The following KCNT2 variants were observed in gnomAD, a reference collection of about 807,000 sequenced individuals.
The protein encoded by KCNT2 is potassium channel subfamily T member 2.
A neutral mutation model predicts 153.8 loss-of-function variants in KCNT2; 67 were observed. The observed-to-expected ratio is 0.44, with a 90% CI of 0.36 to 0.53. The LOEUF is 0.53. KCNT2 is among the 20% of genes least tolerant of loss of function. KCNT2 has a pLI of 0.00. For synonymous variants in KCNT2, 500 were observed against 458.8 expected (o/e 1.09, Z -1.15); for missense variants, 975 against 1,354.8 (o/e 0.72, Z 4.40).
At chr1:196,338,133 A>G (rs182086402) in intron 16 of KCNT2, among the ~76,000 whole-genome samples, 23 of 152,272 alleles carry the variant, frequency 1.5e-4, no homozygotes, top group Non-Finnish European at 2.5e-4. Context: ...AGGTAAAACC[A>G]TGGAATAGTG....
intron 1 of KCNT2, among the ~76,000 whole-genome samples, chr1:196,562,092 C>A (rs1659488531): frequency 3.3e-5 from 5 of 151,876 alleles, no homozygotes; most frequent in Non-Finnish European, 7.4e-5. Flanking sequence ...TTAGTTAATT[C>A]TCTCCTGGAT....
chr1:196,431,513 T>G (rs1674146950), intron 8 of KCNT2, among the ~76,000 whole-genome samples: 1 of 152,120 alleles, frequency 6.6e-6, no homozygotes, highest in Admixed American at 6.6e-5. Flanking sequence ...GCCTTTCTGA[T>G]GAGTTCTTAG....
At chr1:196,456,928 T>C (rs1299384601) in intron 8 of KCNT2, among the ~76,000 whole-genome samples, 1 of 152,012 alleles carries the variant, frequency 6.6e-6, no homozygotes, top group Non-Finnish European at 1.5e-5. Flanking sequence ...TGGATGTTAA[T>C]GCATAAAGGT....
At chr1:196,525,828 A>G (rs1654111312) in intron 1 of KCNT2, among the ~76,000 whole-genome samples, 1 of 151,990 alleles carries the variant, frequency 6.6e-6, no homozygotes, top group Admixed American at 6.5e-5. Context: ...TACATATTTA[A>G]TTATGTAATA....
intron 5 of KCNT2, among the ~76,000 whole-genome samples, chr1:196,477,775 T>G (rs929159063): frequency 1.4e-4 from 21 of 152,204 alleles, no homozygotes; most frequent in African/African-American, 5.1e-4. Flanking sequence ...TGTTCTATTA[T>G]TCCTCCAAAA....
chr1:196,601,221 G>A (rs945825282), intron 1 of KCNT2, among the ~76,000 whole-genome samples: 6 of 152,058 alleles, frequency 3.9e-5, no homozygotes, highest in East Asian at 1.9e-4. Context: ...CTTACACCTC[G>A]ATCTCAACAC....
chr1:196,316,833 T>C lies in KCNT2; in HGVS notation c.2349-807A>G, dbSNP rs1662775482. Reference sequence around the variant, plus strand: ...TGAAACAGGGAAACATTATTCTCATTGCCTCTGCTTCATGCAAACTAGAAA... The same window carrying C: ...TGAAACAGGGAAACATTATTCTCATCGCCTCTGCTTCATGCAAACTAGAAA... On this transcript the variant is annotated intron_variant, in intron 20 of 27. Coordinates refer to ENST00000294725, the MANE Select transcript of KCNT2 (RefSeq NM_198503.5). Among the ~76,000 whole-genome samples the C allele has an allele frequency of 2.0e-5, 3 of 151,770 alleles. No homozygotes were observed. In the Admixed American group the frequency reaches 2.0e-4, roughly 10 times the overall value.
At position 196,484,399 on chromosome 1, in the gene KCNT2, T is replaced by G. The variant is rs570533660; in HGVS notation, c.276-2020A>C. ...TTTTTTTCATGTAAATTTGTTTTAG[T>G]TCCTTGTAAATTATGGATATTAGAC... On this transcript the variant is annotated intron_variant, in intron 3 of 27. Coordinates refer to ENST00000294725, the MANE Select transcript of KCNT2 (RefSeq NM_198503.5). Among the ~76,000 whole-genome samples the G allele has an allele frequency of 4.6e-5, 7 of 152,232 alleles. No individual in the cohort carries two copies. The South Asian group carries it at 1.5e-3, about 32-fold the overall frequency.
At chr1:196,482,199 C>T in intron 4 of KCNT2, 132 bp downstream of exon 4, 3 of 633,400 alleles carry the variant, frequency 4.7e-6, no homozygotes. Context: ...AAATGTTAGT[C>T]CAAGATGTGC....
intron 1 of KCNT2, among the ~76,000 whole-genome samples, chr1:196,573,822 T>A (rs1232545609): frequency 6.6e-6 from 1 of 151,840 alleles, no homozygotes; most frequent in African/African-American, 2.4e-5. Context: ...TGGCAGTTAT[T>A]TTATGTTTTT....
intron 24 of KCNT2, 26 bp downstream of exon 24, chr1:196,282,247 T>G (rs557049333): frequency 7.7e-7 from 1 of 1,306,336 alleles, no homozygotes; most frequent in South Asian, 1.2e-5. Flanking sequence ...CACAACTATC[T>G]TTTATTCTAG....
chr1:196,499,941 C>A (rs898953540), intron 1 of KCNT2, among the ~76,000 whole-genome samples: 4 of 151,930 alleles, frequency 2.6e-5, no homozygotes, highest in African/African-American at 9.7e-5. Context: ...GTCAGGAGTT[C>A]TAGACCAGCC....
intron 1 of KCNT2, among the ~76,000 whole-genome samples, chr1:196,600,483 A>G (rs1664599715): frequency 6.6e-6 from 1 of 151,064 alleles, no homozygotes. Context: ...AAAACACATA[A>G]TATCAGAAAA....
intron 12 of KCNT2, among the ~76,000 whole-genome samples, chr1:196,420,053 C>T (rs1402915725): frequency 2.6e-5 from 4 of 151,952 alleles, no homozygotes; most frequent in Non-Finnish European, 4.4e-5. Flanking sequence ...ATTTTCTCAA[C>T]TTTTTAATTC....
chr1:196,514,850 C>T (rs1421076557), intron 1 of KCNT2, among the ~76,000 whole-genome samples: 1 of 152,076 alleles, frequency 6.6e-6, no homozygotes, highest in Admixed American at 6.6e-5. Context: ...AATCGCGAAA[C>T]TATTTGTACC....
At chr1:196,328,003 C>A (rs560227618) in intron 18 of KCNT2, among the ~76,000 whole-genome samples, 18 of 152,148 alleles carry the variant, frequency 1.2e-4, no homozygotes, top group Non-Finnish European at 2.5e-4. Flanking sequence ...GAAAACAAAG[C>A]ACCATGAGTA....
intron 1 of KCNT2, among the ~76,000 whole-genome samples, chr1:196,541,022 C>T (rs746793072): frequency 5.3e-5 from 8 of 151,574 alleles, no homozygotes; most frequent in Non-Finnish European, 1.0e-4. Context: ...GCCGAGATCG[C>T]GCCACTGCAC....
chr1:196,269,169 A>G (rs1314455400), intron 25 of KCNT2, among the ~76,000 whole-genome samples: 1 of 152,212 alleles, frequency 6.6e-6, no homozygotes, highest in African/African-American at 2.4e-5. Flanking sequence ...TGTAAGTGTG[A>G]GCAGATCTGA....
chr1:196,381,139 T>A (rs1201192722), intron 13 of KCNT2, among the ~76,000 whole-genome samples: 1 of 152,174 alleles, frequency 6.6e-6, no homozygotes, highest in African/African-American at 2.4e-5. Context: ...CGTTTCTGTT[T>A]TTCCAGTTGC....
Sources: gnomAD v4.1 joint callset for allele counts (sites outside exome capture counted in the v4.1 genomes callset) on GRCh38, gnomAD v4.1.1 for gene constraint, MANE v1.5 for transcripts, NCBI Gene and HGNC (gene_info 2026-07-23, HGNC 2026-07-21) for gene names.